Variants in RIMS2 observed in about 807,000 individuals in gnomAD.
The protein encoded by RIMS2 is regulating synaptic membrane exocytosis protein 2.
A neutral mutation model predicts 174.4 loss-of-function variants in RIMS2; 59 were observed. The observed-to-expected ratio is 0.34, with a 90% CI of 0.27 to 0.42. RIMS2 has a LOEUF of 0.42. RIMS2 is among the 10% of genes least tolerant of loss of function. The pLI is 1.00. For synonymous variants in RIMS2, 606 were observed against 572.5 expected (o/e 1.06, Z -0.84); for missense variants, 1,620 against 1,666.3 (o/e 0.97, Z 0.48).
At chr8:104,172,591 T>C (rs2098838669) in intron 19 of RIMS2, among the ~76,000 whole-genome samples, 1 of 152,210 alleles carries the variant, frequency 6.6e-6, no homozygotes, top group African/African-American at 2.4e-5. Flanking sequence ...CATCTGTGGA[T>C]CAGGGAAACC....
At chr8:104,179,848 C>G (rs1056119903) in intron 19 of RIMS2, among the ~76,000 whole-genome samples, 12 of 151,696 alleles carry the variant, frequency 7.9e-5, no homozygotes, top group African/African-American at 2.9e-4. Context: ...AAAGTTGCTT[C>G]CTTACTTACC....
chr8:103,716,533 T>A (rs1590982828), intron 2 of RIMS2, among the ~76,000 whole-genome samples: 1 of 152,152 alleles, frequency 6.6e-6, no homozygotes, highest in East Asian at 1.9e-4. Context: ...ATATTATAGA[T>A]GAAAAGTTGA....
chr8:104,171,194 G>A (rs181798000), intron 19 of RIMS2, among the ~76,000 whole-genome samples: 3 of 152,210 alleles, frequency 2.0e-5, no homozygotes, highest in Non-Finnish European at 4.4e-5. Flanking sequence ...TCTCTAGCAA[G>A]GCCAAGGAAG....
chr8:103,783,767 C>A (rs1161437103), intron 3 of RIMS2, among the ~76,000 whole-genome samples: 1 of 149,980 alleles, frequency 6.7e-6, no homozygotes, highest in Non-Finnish European at 1.5e-5. Context: ...ATTTATAGTC[C>A]TTTGGGTATA....
At chr8:103,879,930 A>T (rs1277981033) in intron 3 of RIMS2, among the ~76,000 whole-genome samples, 1 of 151,670 alleles carries the variant, frequency 6.6e-6, no homozygotes, top group East Asian at 1.9e-4. Context: ...ATGAGCATTG[A>T]GATGTTAATT....
exon 18 of RIMS2, chr8:104,013,584 A>G: frequency 6.2e-7 from 1 of 1,613,744 alleles, no homozygotes; most frequent in Non-Finnish European, 8.5e-7. Flanking sequence ...TTCATTAATG[A>G]CTGGAAGATC....
intron 15 of RIMS2, among the ~76,000 whole-genome samples, chr8:103,962,962 A>G (rs955557806): frequency 1.3e-5 from 2 of 152,172 alleles, no homozygotes; most frequent in Non-Finnish European, 2.9e-5. Context: ...ATTATGGTAT[A>G]TGTAGTTTTT....
intron 19 of RIMS2, among the ~76,000 whole-genome samples, chr8:104,089,088 T>A (rs2097585481): frequency 6.6e-6 from 1 of 152,002 alleles, no homozygotes; most frequent in Non-Finnish European, 1.5e-5. Context: ...AAGATTTTAA[T>A]GATCTTTAAT....
intron 19 of RIMS2, among the ~76,000 whole-genome samples, chr8:104,139,374 A>G (rs2098548292): frequency 1.3e-5 from 2 of 152,106 alleles, no homozygotes; most frequent in Admixed American, 6.6e-5. Context: ...TTTTAACAAT[A>G]TTGATTCTTC....
intron 3 of RIMS2, among the ~76,000 whole-genome samples, chr8:103,808,969 A>C (rs1297943565): frequency 6.6e-6 from 1 of 152,170 alleles, no homozygotes; most frequent in Non-Finnish European, 1.5e-5. Context: ...GACTTGATAT[A>C]TCTGTTGACT....
At chr8:103,737,175 C>CTTTTTTTTTTTTTTTTTTT (rs554949027) in intron 2 of RIMS2, among the ~76,000 whole-genome samples, 3 of 67,510 alleles carry the variant, frequency 4.4e-5, no homozygotes, top group Non-Finnish European at 7.7e-5. Flanking sequence ...TTTCTTTGTT[C>CTTTTTTTTTTTTTTTTTTT]TTTTTTTTTT....
At chr8:103,700,645 T>C (rs2097156916) in intron 2 of RIMS2, among the ~76,000 whole-genome samples, 1 of 150,486 alleles carries the variant, frequency 6.6e-6, no homozygotes, top group Non-Finnish European at 1.5e-5. Context: ...TTGATATGGT[T>C]TCATTTGATT....
intron 3 of RIMS2, among the ~76,000 whole-genome samples, chr8:103,878,877 A>T (rs1218435812): frequency 6.7e-6 from 1 of 149,890 alleles, no homozygotes; most frequent in Non-Finnish European, 1.5e-5. Context: ...TTAATTTAGC[A>T]TCTGATTCAC....
At chr8:103,769,694 T>C (rs2098227521) in intron 3 of RIMS2, among the ~76,000 whole-genome samples, 1 of 152,208 alleles carries the variant, frequency 6.6e-6, no homozygotes, top group African/African-American at 2.4e-5. Flanking sequence ...TTAATGCCTC[T>C]TTCACTCACA....
In RIMS2 at chr8:103,501,019, G is replaced by A. The variant is rs773041025; in HGVS notation, c.133G>A (p.Asp45Asn). The stretch of plus-strand genomic sequence containing the variant: ...GAGGAAAATCATCCTGGCCGTCATG[G>A]ATAGGCAGAAGAAAGAAGAGGAGAA... The change falls in exon 1 of 24, where the codon GAT becomes AAT. Residue 45 changes from aspartate (D) to asparagine (N), a missense_variant. Transcript: ENST00000504942. The A allele has an allele frequency of 2.5e-6, 4 of 1,610,890 alleles. No individual in the cohort carries two copies. The East Asian group carries it at 6.7e-5, about 27-fold the overall frequency.
At chr8:103,589,689 C>T (rs921117921) in intron 1 of RIMS2, among the ~76,000 whole-genome samples, 2 of 151,266 alleles carry the variant, frequency 1.3e-5, no homozygotes, top group Non-Finnish European at 3.0e-5. Flanking sequence ...TAAGTGTTTA[C>T]ACACAGAGGA....
At chr8:104,053,087 T>G (rs2096813876) in intron 19 of RIMS2, among the ~76,000 whole-genome samples, 1 of 152,176 alleles carries the variant, frequency 6.6e-6, no homozygotes, top group Non-Finnish European at 1.5e-5. Flanking sequence ...ATAGGGTTTT[T>G]CTAGTAACCT....
chr8:103,604,329 G>A (rs2133886442), intron 1 of RIMS2, among the ~76,000 whole-genome samples: 1 of 151,898 alleles, frequency 6.6e-6, no homozygotes, highest in South Asian at 2.1e-4. Context: ...CGTTATTTCT[G>A]AGGGCTCTGT....
chr8:103,789,976 G>A (rs144810849), intron 3 of RIMS2, among the ~76,000 whole-genome samples: 7 of 152,076 alleles, frequency 4.6e-5, no homozygotes, highest in Non-Finnish European at 8.8e-5. Context: ...TGTTTAGGCC[G>A]ATCTCAAACT....
Sources: gnomAD v4.1 joint callset for allele counts (sites outside exome capture counted in the v4.1 genomes callset) on GRCh38, gnomAD v4.1.1 for gene constraint, MANE v1.5 for transcripts, NCBI Gene and HGNC (gene_info 2026-07-23, HGNC 2026-07-21) for gene names.